CRK: variants seen among roughly 807,000 people sequenced by gnomAD.
CRK encodes the protein CRK proto-oncogene, adaptor protein.
In CRK, 4 loss-of-function variants were observed where a neutral mutation model predicts 29.8. The observed-to-expected ratio is 0.13, with a 90% CI of 0.07 to 0.31. The LOEUF (loss-of-function observed/expected upper bound fraction) is 0.31, where lower values mean the gene tolerates loss of function less well. CRK is among the 10% of genes least tolerant of loss of function. The pLI is 1.00. For synonymous variants in CRK, 153 were observed against 164.9 expected (o/e 0.93, Z 0.55); for missense variants, 274 against 396.5 (o/e 0.69, Z 2.62).
At chr17:1,440,337 G>A (rs1487630410) in intron 1 of CRK, among the ~76,000 whole-genome samples, 2 of 151,452 alleles carry the variant, frequency 1.3e-5, no homozygotes, top group African/African-American at 2.4e-5. Context: ...AGTGGTGCAT[G>A]CCTGCAGTTG....
At chr17:1,442,802 T>A (rs2073945405) in intron 1 of CRK, among the ~76,000 whole-genome samples, 1 of 151,754 alleles carries the variant, frequency 6.6e-6, no homozygotes, top group Non-Finnish European at 1.5e-5. Flanking sequence ...AGACACAGTT[T>A]CACCATGTTG....
At chr17:1,425,607 C>T (rs2150898423) in intron 2 of CRK, among the ~76,000 whole-genome samples, 1 of 152,334 alleles carries the variant, frequency 6.6e-6, no homozygotes, top group Non-Finnish European at 1.5e-5. Flanking sequence ...CATACAGTAT[C>T]AGGAACTTTC....
chr17:1,427,364 G>T (rs1457911323), intron 2 of CRK, among the ~76,000 whole-genome samples: 1 of 151,684 alleles, frequency 6.6e-6, no homozygotes, highest in African/African-American at 2.4e-5. Context: ...GAGGCTGAGG[G>T]CGGCAGATCA....
At chr17:1,455,085 T>C (rs990803902) in intron 1 of CRK, among the ~76,000 whole-genome samples, 7 of 152,204 alleles carry the variant, frequency 4.6e-5, no homozygotes, top group East Asian at 1.9e-4. Flanking sequence ...TCTGTTTCCA[T>C]TGCCTCACTT....
At chr17:1,434,025 C>T (rs756836076) in intron 2 of CRK, among the ~76,000 whole-genome samples, 75 of 151,962 alleles carry the variant, frequency 4.9e-4, no homozygotes, top group Non-Finnish European at 3.8e-4. Context: ...GTTTTTGCAG[C>T]TTTATTGGAA....
chr17:1,429,542 G>C (rs908707519), intron 2 of CRK, among the ~76,000 whole-genome samples: 10 of 151,964 alleles, frequency 6.6e-5, no homozygotes, highest in Admixed American at 2.6e-4. Flanking sequence ...CCAAAGTGCT[G>C]GGATTATAGG....
intron 2 of CRK, among the ~76,000 whole-genome samples, chr17:1,433,941 C>G (rs1431401227): frequency 6.6e-6 from 1 of 151,396 alleles, no homozygotes. Context: ...CTCAAGCGAT[C>G]CTCCCACCTC....
chr17:1,455,886 G>A lies in CRK; in HGVS notation c.232C>T (p.Pro78Ser), dbSNP rs762667910. 6.3e-6 allele frequency: 10 copies of A among 1,585,738 alleles called. No homozygotes were observed. The highest frequency in any genetic ancestry group is 4.2e-5 in the African/African-American group (3 of 71,834). ...CCCGTCAGTCCCTCACCGGGCGGAG[G>A]CTGGGCGGGCGACGGTGGCACCGGC... Reference protein sequence around the residue: ...RPPVPPSPAQPPPGVSPSRLR... With the variant: ...RPPVPPSPAQSPPGVSPSRLR... The change falls in exon 1 of 3, where the codon CCT (proline) becomes TCT (serine). Residue 78 changes from proline to serine, a missense_variant. This residue lies in a region of CRK where 135 missense variants were observed against 180.9 expected (regional missense o/e 0.75). Coordinates refer to ENST00000300574, the MANE Select transcript of CRK (RefSeq NM_016823.4).
chr17:1,447,211 G>A (rs184413790), intron 1 of CRK, among the ~76,000 whole-genome samples: 5 of 152,174 alleles, frequency 3.3e-5, no homozygotes, highest in African/African-American at 7.2e-5. Flanking sequence ...ATAGAAGGGC[G>A]GGAAAGGAAG....
At position 1,420,795 on chromosome 17, in the gene CRK, A is replaced by T. The variant is rs568995973; in HGVS notation, c.*2718T>A. The T allele has an allele frequency of 2.6e-3, 402 of 152,274 alleles. 2 individuals carry two copies. Among genetic ancestry groups the T allele is most frequent in the African/African-American group, 8.9e-3 (369 of 41,552 alleles). 9.4% of individuals were successfully genotyped at this position (152,274 alleles called of 1,614,324 possible). A position where few individuals can be genotyped will look rare whatever the true frequency, so the allele number is the denominator to read the frequency against. On this transcript the variant is annotated 3_prime_UTR_variant, in exon 3 of 3. Transcript: ENST00000300574. ...ATGCTACCAAAAAAAATTTTTTTTT[A>T]AATTTAACTGTCAAGAAAGTGTATA...
chr17:1,452,916 C>A (rs2074029541), intron 1 of CRK, among the ~76,000 whole-genome samples: 1 of 151,996 alleles, frequency 6.6e-6, no homozygotes, highest in African/African-American at 2.4e-5. Flanking sequence ...CCAGCCTGGA[C>A]AATACCGTGA....
chr17:1,442,821 G>A, intron 1 of CRK, among the ~76,000 whole-genome samples: 1 of 151,724 alleles, frequency 6.6e-6, no homozygotes, highest in East Asian at 1.9e-4. Flanking sequence ...TGGCCTGGCT[G>A]GTCTCAAACT....
rs375165278 is a variant in CRK, at chr17:1,432,654, G to A, written c.777+3966C>T. On this transcript the variant is annotated intron_variant, in intron 2 of 2. Transcript: ENST00000300574. ...TAGCCAGGCGTGGTGGCGGGCGCCT[G>A]TAGTCCCAGCTACTTGGGGGGCTGA... Among the ~76,000 whole-genome samples the A allele has an allele frequency of 4.9e-3, 740 of 151,600 alleles. 7 individuals carry two copies. The highest frequency in any genetic ancestry group is 0.017 in the African/African-American group (691 of 41,324).
intron 2 of CRK, among the ~76,000 whole-genome samples, chr17:1,430,438 G>A (rs530698421): frequency 1.4e-5 from 2 of 148,040 alleles, no homozygotes; most frequent in Non-Finnish European, 3.0e-5. Flanking sequence ...CTCACTGCAA[G>A]CTCCGCCTCC....
At chr17:1,455,748 G>T (rs1260185146) in intron 1 of CRK, 129 bp downstream of exon 1, 1 of 1,283,664 alleles carries the variant, frequency 7.8e-7, no homozygotes, top group Non-Finnish European at 1.0e-6. Context: ...CAGCCGGCGG[G>T]CCCCTGCCAC....
In CRK at chr17:1,456,083, CT is replaced by C; in HGVS notation, c.34del (p.Ser12AlafsTer7). The C allele has an allele frequency of 6.4e-7, 1 of 1,569,198 alleles. No individual in the cohort carries two copies. Among genetic ancestry groups the C allele is most frequent in the Middle Eastern group, 1.7e-4 (1 of 5,942 alleles). ...CCGACTCAACCTCCCCCAGTACCAG[CT>C]ACTCCGCTCCTCCGAGTCGAAGTTG... The part of the protein sequence containing the change: ...AGNFDSEERS[S>X]WYWGRLSRQE... On this transcript the variant is annotated frameshift_variant, in exon 1 of 3. Transcript: ENST00000300574. LOFTEE classifies it high-confidence loss of function.
intron 2 of CRK, among the ~76,000 whole-genome samples, chr17:1,427,157 C>T (rs1010670410): frequency 2.1e-5 from 3 of 145,204 alleles, no homozygotes; most frequent in East Asian, 2.2e-4. Context: ...AAGGTATCAT[C>T]GTATGCACCT....
chr17:1,440,616 A>G (rs7221655), intron 1 of CRK, among the ~76,000 whole-genome samples: 2,105 of 152,112 alleles, frequency 0.014, 44 homozygotes, highest in African/African-American at 0.047. Context: ...CCAATCTCCT[A>G]AAAAAACAAA....
intron 2 of CRK, chr17:1,426,575 A>AT (rs2073781004): frequency 6.6e-6 from 1 of 152,038 alleles, no homozygotes; most frequent in Non-Finnish European, 1.5e-5. Context: ...TACAAAAAAT[A>AT]AAAAAATTGG....
Sources: gnomAD v4.1 joint callset for allele counts (sites outside exome capture counted in the v4.1 genomes callset) on GRCh38, gnomAD v4.1.1 for gene constraint, gnomAD v4.1.1 regional missense constraint, MANE v1.5 for transcripts, NCBI Gene and HGNC (gene_info 2026-07-23, HGNC 2026-07-21) for gene names.